Variants in ADGRL4 observed in about 807,000 individuals in gnomAD.
ADGRL4 encodes adhesion G protein-coupled receptor L4.
A neutral mutation model predicts 74.8 loss-of-function variants in ADGRL4; 90 were observed. The ratio of observed to expected loss-of-function variants is 1.20; its 90% confidence interval spans 1.02 to 1.43. ADGRL4 has a LOEUF of 1.43. Ranked by LOEUF, ADGRL4 falls within the 40% of genes most tolerant of loss-of-function variation. The pLI is 0.00. For missense variants in ADGRL4, 881 were observed against 814.3 expected, an observed-to-expected ratio of 1.08 and a Z score of -1.00; for synonymous variants, 311 against 279.2, an observed-to-expected ratio of 1.11 and a Z score of -1.14.
intron 2 of ADGRL4, among the ~76,000 whole-genome samples, chr1:78,993,490 A>G (rs1417180741): frequency 6.6e-6 from 1 of 152,232 alleles, no homozygotes; most frequent in African/African-American, 2.4e-5. Context: ...CATTATGAAT[A>G]ACACATGGAG....
intron 2 of ADGRL4, among the ~76,000 whole-genome samples, chr1:79,000,622 C>T (rs1570281629): frequency 6.6e-6 from 1 of 152,114 alleles, no homozygotes; most frequent in Non-Finnish European, 1.5e-5. Context: ...ATTGTGGTAG[C>T]TATCTCTACT....
Position 78,932,386 on chromosome 1 carries a change from G to C in ADGRL4, c.877+3909C>G, listed in dbSNP as rs1242747792. Among the ~76,000 whole-genome samples the C allele has an allele frequency of 3.3e-5, 5 of 151,482 alleles. No individual in the cohort carries two copies. The East Asian group carries it at 9.7e-4, about 29-fold the overall frequency. On this transcript the variant is annotated intron_variant, in intron 7 of 14. Transcript: ENST00000370742. ...GTTCTTTGAAACCAATGAGAACAAA[G>C]AGACAAGGTACCAGATCTCTGGGAC...
chr1:78,900,871 T>C (rs186194431), intron 12 of ADGRL4, among the ~76,000 whole-genome samples: 4 of 152,118 alleles, frequency 2.6e-5, no homozygotes, highest in African/African-American at 9.7e-5. Context: ...TATATGTATA[T>C]AATGAAATAC....
At chr1:78,972,942 C>T (rs746224998) in intron 2 of ADGRL4, among the ~76,000 whole-genome samples, 1 of 152,140 alleles carries the variant, frequency 6.6e-6, no homozygotes, top group Admixed American at 6.6e-5. Context: ...CAGGTGCAGG[C>T]CTCTCAGCTA....
intron 8 of ADGRL4, among the ~76,000 whole-genome samples, chr1:78,926,495 A>G (rs1431751109): frequency 6.6e-6 from 1 of 152,040 alleles, no homozygotes; most frequent in Non-Finnish European, 1.5e-5. Context: ...GAATCCCTTC[A>G]AATATTATTT....
chr1:78,950,743 G>C (rs1175840944), intron 2 of ADGRL4, among the ~76,000 whole-genome samples: 2 of 151,906 alleles, frequency 1.3e-5, no homozygotes, highest in Non-Finnish European at 2.9e-5. Flanking sequence ...AATATCAGTG[G>C]GGCTTGGAGA....
intron 10 of ADGRL4, 148 bp from the exon 11 acceptor site, chr1:78,918,198 C>G (rs1229892609): frequency 1.6e-6 from 1 of 612,874 alleles, no homozygotes; most frequent in East Asian, 2.8e-5. Flanking sequence ...ATTAAAATAC[C>G]ATGTCAGTTC....
chr1:78,921,172 G>A (rs1011953893), intron 9 of ADGRL4, among the ~76,000 whole-genome samples: 33 of 151,338 alleles, frequency 2.2e-4, no homozygotes, highest in African/African-American at 5.8e-4. Context: ...ATCTTGTGGC[G>A]TTCTACATTG....
At chr1:78,971,472 A>G (rs1455437637) in intron 2 of ADGRL4, among the ~76,000 whole-genome samples, 1 of 152,040 alleles carries the variant, frequency 6.6e-6, no homozygotes, top group East Asian at 1.9e-4. Flanking sequence ...TGCAGGGGGG[A>G]AAAGCCTGGC....
chr1:78,954,910 T>C (rs1649798249), intron 2 of ADGRL4, among the ~76,000 whole-genome samples: 1 of 152,120 alleles, frequency 6.6e-6, no homozygotes, highest in South Asian at 2.1e-4. Flanking sequence ...TTTGTGCTTA[T>C]ATCAATAGAG....
intron 12 of ADGRL4, among the ~76,000 whole-genome samples, chr1:78,911,292 T>G (rs770970886): frequency 4.0e-5 from 6 of 151,898 alleles, no homozygotes; most frequent in Admixed American, 6.6e-5. Context: ...TCTTTCTAGA[T>G]GTGTTCAGAG....
intron 2 of ADGRL4, among the ~76,000 whole-genome samples, chr1:78,961,024 A>T (rs1270214466): frequency 1.3e-5 from 2 of 152,162 alleles, no homozygotes; most frequent in East Asian, 3.8e-4. Flanking sequence ...AGTTTTTTTC[A>T]TCAAAATATT....
At chr1:78,927,428 T>A (rs1004086419) in intron 7 of ADGRL4, among the ~76,000 whole-genome samples, 1 of 152,066 alleles carries the variant, frequency 6.6e-6, no homozygotes, top group African/African-American at 2.4e-5. Flanking sequence ...AATAACAAAG[T>A]TTCAAGTTAT....
intron 2 of ADGRL4, among the ~76,000 whole-genome samples, chr1:78,984,715 G>T (rs866072762): frequency 6.6e-6 from 1 of 151,310 alleles, no homozygotes; most frequent in African/African-American, 2.4e-5. Flanking sequence ...ATTCAATAAA[G>T]AAATTTAGCT....
chr1:78,891,181 G>A lies in ADGRL4; in HGVS notation c.2046C>T (p.Val682=), dbSNP rs765133355. 2 of 1,610,504 alleles carry A rather than the reference G, an allele frequency of 1.2e-6. No individual in the cohort carries two copies. Among genetic ancestry groups the A allele is most frequent in the Non-Finnish European group, 1.7e-6 (2 of 1,178,002 alleles). The part of the protein sequence containing the change: ...QEEYYRLFKN[V]PCCFGCLR ...ACCTTAAACATCCAAAACAACAGGG[G>A]ACATTTTTGAACAATCTGTAATATT... Residue 682 remains valine, a synonymous_variant, in exon 15 of 15, where the codon GTC becomes GTT. Transcript: ENST00000370742.
chr1:78,989,640 A>G (rs1650565471), intron 2 of ADGRL4, among the ~76,000 whole-genome samples: 1 of 151,822 alleles, frequency 6.6e-6, no homozygotes, highest in Non-Finnish European at 1.5e-5. Flanking sequence ...CTTGTTATCT[A>G]TGTAACCCTA....
chr1:78,891,387 AT>A, intron 14 of ADGRL4, 136 bp downstream of exon 14: 1 of 1,223,166 alleles, frequency 8.2e-7, no homozygotes. Flanking sequence ...TTAAAAGCAT[AT>A]TTTCCTATGA....
Position 78,891,635 on chromosome 1 carries a change from A to T in ADGRL4, c.1899T>A (p.Phe633Leu). 3 of 1,613,394 alleles carry T rather than the reference A, an allele frequency of 1.9e-6. No individual in the cohort carries two copies. Among genetic ancestry groups the T allele is most frequent in the Non-Finnish European group, 2.5e-6 (3 of 1,179,636 alleles). Residue 633 changes from phenylalanine (F) to leucine (L), a missense_variant, in exon 14 of 15, where the codon TTT becomes TTA. Transcript: ENST00000370742. ...LLFLLGTTWI[F>L]GVLHVVHASV... ...ATGCGTGCACAACATGGAGAACCCCAAAGATCCAGGTGGTGCCGAGAAGGA... is the reference window on the plus strand; with the variant it reads ...ATGCGTGCACAACATGGAGAACCCCTAAGATCCAGGTGGTGCCGAGAAGGA...
At chr1:78,968,551 C>CT (rs1650104788) in intron 2 of ADGRL4, among the ~76,000 whole-genome samples, 3 of 150,162 alleles carry the variant, frequency 2.0e-5, no homozygotes, top group Admixed American at 6.7e-5. Context: ...CAATTACCCT[C>CT]TAGTGGTATT....
Sources: allele counts gnomAD v4.1 joint callset (sites outside exome capture counted in the v4.1 genomes callset), GRCh38; gene constraint gnomAD v4.1.1; transcripts MANE v1.5; gene names NCBI Gene and HGNC (gene_info 2026-07-23, HGNC 2026-07-21).